Variants in DCAF15 observed in about 807,000 individuals in gnomAD.
DCAF15 encodes the protein DDB1 and CUL4 associated factor 15.
DCAF15 carries 24 observed loss-of-function variants against 68.0 expected under a neutral mutation model. The ratio of observed to expected loss-of-function variants is 0.35; its 90% CI spans 0.26 to 0.50. DCAF15 has a LOEUF of 0.50. Among genes scored for constraint, DCAF15 ranks in the 20% least tolerant of loss-of-function variants. The pLI, the probability that DCAF15 is intolerant of heterozygous loss-of-function variation, is 0.98. For missense variants in DCAF15, 627 were observed against 830.6 expected (o/e 0.75, Z 3.01); for synonymous variants, 376 against 341.6 (o/e 1.10, Z -1.11).
chr19:13,960,344 C>T lies in DCAF15; in HGVS notation c.1584C>T (p.Phe528=), dbSNP rs1973566212. Reference sequence around the variant, plus strand: ...CATGGGACCTCAACACAGGGATCTTCGAGACAGTCAGTGTAGGCGACCTGA... The same window carrying T: ...CATGGGACCTCAACACAGGGATCTTTGAGACAGTCAGTGTAGGCGACCTGA... The part of the protein sequence containing the change: ...KVAWDLNTGI[F]ETVSVGDLTE... The change falls in exon 11 of 13, where the codon TTC becomes TTT. Residue 528 remains phenylalanine (F), a synonymous_variant. Coordinates refer to ENST00000254337, the MANE Select transcript of DCAF15 (RefSeq NM_138353.4). The T allele has an allele frequency of 3.1e-6, 5 of 1,613,956 alleles. No homozygotes were observed. The highest frequency in any genetic ancestry group is 1.7e-5 in the Admixed American group (1 of 60,008).
rs147924851 is a variant in DCAF15 at position 13,959,409 on chromosome 19, G to T, written c.1149G>T (p.Glu383Asp). 4.9e-5 allele frequency: 78 copies of T among 1,607,848 alleles called. No individual in the cohort carries two copies. In the African/African-American group the frequency reaches 7.7e-4, roughly 16 times the overall value. The change falls in exon 7 of 13, where the codon GAG (glutamate) becomes GAT (aspartate). Residue 383 changes from glutamate (E) to aspartate (D), a missense_variant. By Grantham distance (45) the Glu-to-Asp change is conservative. This residue lies in a region of DCAF15 where 236 missense variants were observed against 225.1 expected (regional missense o/e 1.05). Coordinates refer to ENST00000254337, the MANE Select transcript of DCAF15 (RefSeq NM_138353.4). ...CTGCCTCGGAGGCACCTGCCTCCGA[G>T]CCTGGCTATGTCAACTACACCAAGC... ...SPPASEAPAS[E>D]PGYVNYTKLY...
At chr19:13,954,287 G>A in intron 1 of DCAF15, 53 bp from the exon 2 acceptor site, 2 of 1,509,064 alleles carry the variant, frequency 1.3e-6, no homozygotes, top group Non-Finnish European at 1.8e-6. Context: ...CGTGGGTGAG[G>A]GGGCTGGGGG....
chr19:13,960,198 C>G (rs1006721564), intron 10 of DCAF15, 89 bp from the exon 11 acceptor site: 2 of 1,568,220 alleles, frequency 1.3e-6, no homozygotes, highest in Non-Finnish European at 1.7e-6. Flanking sequence ...CATAGCTGTT[C>G]CAAAGACAAA....
chr19:13,957,878 C>A (rs1049616185), intron 6 of DCAF15, among the ~76,000 whole-genome samples: 9 of 151,922 alleles, frequency 5.9e-5, no homozygotes, highest in African/African-American at 2.2e-4. Flanking sequence ...CAGCAAGACT[C>A]CATCTCCAAA....
At chr19:13,960,896 A>C (rs1330299637) in intron 12 of DCAF15, 44 bp from the exon 13 acceptor site, 2 of 1,612,768 alleles carry the variant, frequency 1.2e-6, no homozygotes, top group African/African-American at 2.7e-5. Context: ...CCGCAGGGCC[A>C]GGCAGGCAGG....
In DCAF15 at chr19:13,961,087, C is replaced by CACCGACTGATG; in HGVS notation, c.*97_*107dup. The CACCGACTGATG allele has an allele frequency of 6.7e-7, 1 of 1,484,374 alleles. No homozygotes were observed. The highest frequency in any genetic ancestry group is 9.3e-7 in the Non-Finnish European group (1 of 1,077,414). The allele number at this position is 1,484,374 out of a possible 1,614,324, so 92.0% of individuals were successfully genotyped here. ...GTGGCCTCTTCCTGGCCGGCTGGCC[C>CACCGACTGATG]ACCGACTGATGACCGGCACTAGTGT... On this transcript the variant is annotated 3_prime_UTR_variant, in exon 13 of 13. Coordinates refer to ENST00000254337, the MANE Select transcript of DCAF15 (RefSeq NM_138353.4).
intron 6 of DCAF15, among the ~76,000 whole-genome samples, chr19:13,958,470 C>G (rs1163223243): frequency 2.6e-5 from 4 of 152,114 alleles, no homozygotes; most frequent in African/African-American, 4.8e-5. Flanking sequence ...TGGAGGAAAC[C>G]TGGGTTGGGG....
chr19:13,959,464 A>T lies in DCAF15; in HGVS notation c.1204A>T (p.Thr402Ser), dbSNP rs1415786898. 2.5e-6 allele frequency: 4 copies of T among 1,609,398 alleles called. No homozygotes were observed. The highest frequency in any genetic ancestry group is 3.4e-6 in the Non-Finnish European group (4 of 1,178,120). Residue 402 changes from threonine to serine, a missense_variant, in exon 7 of 13, where the codon ACG (threonine) becomes TCG (serine). By Grantham distance (58) the Thr-to-Ser change is moderately conservative. Around this residue, in one of 3 missense-constraint regions of DCAF15, gnomAD observed 236 missense variants for 225.1 expected, o/e 1.05. Coordinates refer to ENST00000254337, the MANE Select transcript of DCAF15 (RefSeq NM_138353.4). Reference sequence around the variant, plus strand: ...CTATGTGCTGGAGTCCGGAGAGGGGACGGAGCCGGAGGATGGTGAGCGGGG... The same window carrying T: ...CTATGTGCTGGAGTCCGGAGAGGGGTCGGAGCCGGAGGATGGTGAGCGGGG... ...LYYVLESGEG[T>S]EPEDELEDDK...
chr19:13,959,742 C>G (rs761425530), intron 8 of DCAF15, 25 bp from the exon 9 acceptor site: 1 of 1,613,386 alleles, frequency 6.2e-7, no homozygotes, highest in East Asian at 2.2e-5. Context: ...GGCACCGTCC[C>G]CTGCGCCTAC....
At chr19:13,956,849 A>T (rs1164571954) in intron 6 of DCAF15, among the ~76,000 whole-genome samples, 1 of 152,178 alleles carries the variant, frequency 6.6e-6, no homozygotes, top group Non-Finnish European at 1.5e-5. Context: ...GCAACCTCCC[A>T]GGCTCAAGCA....
rs200021189 is a variant in DCAF15, at chr19:13,956,504, G to A, written c.766G>A (p.Val256Ile). The A allele has an allele frequency of 4.7e-4, 761 of 1,613,170 alleles. 2 individuals carry two copies. Among genetic ancestry groups the A allele is most frequent in the South Asian group, 2.9e-4 (26 of 91,088 alleles). Reference protein sequence around the residue: ...NTSYSLVACAVSVHSAGDRSF... With the variant: ...NTSYSLVACAISVHSAGDRSF... ...CAGCTACTCCCTGGTGGCCTGCGCC[G>A]TCTCCGTCCACTCGGCAGGTAGGCC... is the stretch of plus-strand genomic sequence containing the variant. Residue 256 changes from valine (V) to isoleucine (I), a missense_variant, in exon 6 of 13, where the codon GTC becomes ATC. Transcript: ENST00000254337.
In DCAF15 at chr19:13,961,286, T is replaced by C. The variant is rs1485722762; in HGVS notation, c.*291T>C. ...GGCATGGGCCTGGCCCCTCGTGCATTTGCCCTTTTCTCGGCTACAGCTGTG... is the reference window on the plus strand; with the variant it reads ...GGCATGGGCCTGGCCCCTCGTGCATCTGCCCTTTTCTCGGCTACAGCTGTG... On this transcript the variant is annotated 3_prime_UTR_variant, in exon 13 of 13. Coordinates refer to ENST00000254337, the MANE Select transcript of DCAF15 (RefSeq NM_138353.4). The C allele has an allele frequency of 1.4e-5, 7 of 516,508 alleles. No individual in the cohort carries two copies. In the South Asian group the frequency reaches 1.5e-4, roughly 11 times the overall value. The allele number at this position is 516,508 out of a possible 1,614,324, so 32.0% of individuals were successfully genotyped here. A position where few individuals can be genotyped will look rare whatever the true frequency, so the allele number is the denominator to read the frequency against.
chr19:13,954,352 C>T lies in DCAF15; in HGVS notation c.145C>T (p.Leu49Phe), dbSNP rs1156934015. 1 of 1,613,356 alleles carries T rather than the reference C, an allele frequency of 6.2e-7. No individual in the cohort carries two copies. The highest frequency in any genetic ancestry group is 8.5e-7 in the Non-Finnish European group (1 of 1,179,960). ...QLERVKISGQ[L>F]SPRLFRKLPP... The stretch of plus-strand genomic sequence containing the variant: ...ACCCCTTCCCCAGATCAGCGGACAG[C>T]TCTCCCCTCGCCTCTTCCGGAAGCT... The change falls in exon 2 of 13, where the codon CTC (leucine) becomes TTC (phenylalanine). Residue 49 changes from leucine (L) to phenylalanine (F), a missense_variant. By Grantham distance (22) the Leu-to-Phe change is conservative. Around this residue, in one of 3 missense-constraint regions of DCAF15, gnomAD observed 273 missense variants for 393.7 expected, o/e 0.69. Transcript: ENST00000254337.
intron 10 of DCAF15, 67 bp downstream of exon 10, chr19:13,960,136 G>T (rs1037571986): frequency 1.3e-6 from 2 of 1,592,550 alleles, no homozygotes; most frequent in Middle Eastern, 1.7e-4. Context: ...CACGGTGGGG[G>T]TGTGGGGACG....
At chr19:13,957,556 G>T (rs779715703) in intron 6 of DCAF15, among the ~76,000 whole-genome samples, 2 of 152,190 alleles carry the variant, frequency 1.3e-5, no homozygotes, top group Non-Finnish European at 2.9e-5. Flanking sequence ...TGTCAGATGC[G>T]TGCACATGTG....
chr19:13,959,396 C>T lies in DCAF15; in HGVS notation c.1136C>T (p.Ala379Val). Residue 379 changes from alanine to valine, a missense_variant, in exon 7 of 13, where the codon GCA becomes GTA. Around this residue, in one of 3 missense-constraint regions of DCAF15, gnomAD observed 236 missense variants for 225.1 expected, o/e 1.05. Coordinates refer to ENST00000254337, the MANE Select transcript of DCAF15 (RefSeq NM_138353.4). Reference protein sequence around the residue: ...APRDSPPASEAPASEPGYVNY... With the variant: ...APRDSPPASEVPASEPGYVNY... Reference sequence around the variant, plus strand: ...CGGGACAGCCCCCCTGCCTCGGAGGCACCTGCCTCCGAGCCTGGCTATGTC... The same window carrying T: ...CGGGACAGCCCCCCTGCCTCGGAGGTACCTGCCTCCGAGCCTGGCTATGTC... 3 of 1,606,138 alleles carry T rather than the reference C, an allele frequency of 1.9e-6. No individual in the cohort carries two copies. Among genetic ancestry groups the T allele is most frequent in the South Asian group, 1.1e-5 (1 of 91,048 alleles).
intron 6 of DCAF15, among the ~76,000 whole-genome samples, 166 bp downstream of exon 6, chr19:13,956,688 A>G (rs1973378675): frequency 1.3e-5 from 2 of 152,256 alleles, no homozygotes; most frequent in South Asian, 2.1e-4. Context: ...CACGCCCACC[A>G]CAGCCCTGCC....
Position 13,960,317 on chromosome 19 carries a change from G to A in DCAF15, c.1557G>A (p.Val519=), listed in dbSNP as rs774239102. Residue 519 remains valine, a synonymous_variant, in exon 11 of 13, where the codon GTG becomes GTA. Coordinates refer to ENST00000254337, the MANE Select transcript of DCAF15 (RefSeq NM_138353.4). ...RPKTYHTSLK[V]AWDLNTGIFE... is the part of the protein sequence containing the mutation. ...AGACCTATCACACCAGCCTCAAGGT[G>A]GCATGGGACCTCAACACAGGGATCT... 23 of 1,613,982 alleles carry A rather than the reference G, an allele frequency of 1.4e-5. No homozygotes were observed. The highest frequency in any genetic ancestry group is 5.3e-5 in the African/African-American group (4 of 74,952).
At chr19:13,958,870 C>T (rs751544692) in intron 6 of DCAF15, among the ~76,000 whole-genome samples, 175 bp from the exon 7 acceptor site, 2 of 152,146 alleles carry the variant, frequency 1.3e-5, no homozygotes, top group African/African-American at 2.4e-5. Flanking sequence ...CGCATGAATG[C>T]GTGGTGTGCA....
Sources: allele counts gnomAD v4.1 joint callset (sites outside exome capture counted in the v4.1 genomes callset), GRCh38; gene constraint gnomAD v4.1.1; regional missense constraint gnomAD v4.1.1; transcripts MANE v1.5; gene names NCBI Gene and HGNC (gene_info 2026-07-23, HGNC 2026-07-21).